Variants in ASTN2 observed in about 807,000 individuals in gnomAD.
ASTN2 encodes astrotactin-2.
Under a neutral mutation model 139.8 loss-of-function variants are expected in ASTN2, and 54 were observed. That is an observed-to-expected ratio of 0.39 (90% CI 0.31 to 0.48). ASTN2 has a LOEUF of 0.48. ASTN2 is among the 20% of genes least tolerant of loss of function. The pLI is 0.95. For synonymous variants in ASTN2, 756 were observed against 719.5 expected (o/e 1.05, Z -0.81); for missense variants, 1,565 against 1,725.1 (o/e 0.91, Z 1.64).
chr9:116,563,238 G>A (rs923177304), intron 19 of ASTN2, among the ~76,000 whole-genome samples: 6 of 151,906 alleles, frequency 3.9e-5, no homozygotes, highest in East Asian at 1.9e-4. Context: ...AGCCGGGTGC[G>A]GGGGTGGGTG....
intron 19 of ASTN2, among the ~76,000 whole-genome samples, chr9:116,552,906 C>A (rs183793027): frequency 2.0e-5 from 3 of 152,120 alleles, no homozygotes; most frequent in Admixed American, 6.5e-5. Flanking sequence ...CAGTGGAAAT[C>A]CATTAAATTA....
intron 19 of ASTN2, among the ~76,000 whole-genome samples, chr9:116,558,365 T>G (rs1488395308): frequency 9.3e-6 from 1 of 107,198 alleles, no homozygotes; most frequent in African/African-American, 3.2e-5. Context: ...GGTCACTACT[T>G]TTTTTTTTTT....
intron 6 of ASTN2, among the ~76,000 whole-genome samples, chr9:117,012,466 G>T (rs181836229): frequency 6.6e-6 from 1 of 152,142 alleles, no homozygotes; most frequent in African/African-American, 2.4e-5. Context: ...TCCTTCCTGC[G>T]TAAGAAATAG....
At chr9:116,718,980 A>G (rs536740901) in intron 16 of ASTN2, among the ~76,000 whole-genome samples, 2,221 of 123,198 alleles carry the variant, frequency 0.018, 269 homozygotes, top group African/African-American at 0.088. Flanking sequence ...CTGTACATAT[A>G]TATATATATA....
At chr9:117,405,196 A>C (rs1271905168) in intron 1 of ASTN2, among the ~76,000 whole-genome samples, 1 of 152,230 alleles carries the variant, frequency 6.6e-6, no homozygotes, top group Non-Finnish European at 1.5e-5. Context: ...TGACATAAGA[A>C]GTAAAAAAGT....
intron 2 of ASTN2, among the ~76,000 whole-genome samples, chr9:117,274,034 C>T (rs1264278975): frequency 6.6e-6 from 1 of 152,136 alleles, no homozygotes; most frequent in East Asian, 1.9e-4. Context: ...GGCCTTTCTC[C>T]ACTCAGGCGC....
chr9:116,491,218 G>A (rs940006663), intron 19 of ASTN2, among the ~76,000 whole-genome samples: 5 of 152,126 alleles, frequency 3.3e-5, no homozygotes, highest in Admixed American at 1.3e-4. Flanking sequence ...AAAGTTAAAA[G>A]GAAGGCAACT....
At chr9:116,898,987 T>C (rs973239473) in intron 10 of ASTN2, among the ~76,000 whole-genome samples, 1 of 152,194 alleles carries the variant, frequency 6.6e-6, no homozygotes, top group Non-Finnish European at 1.5e-5. Context: ...TATTTCTTTA[T>C]TGAGTTGAAA....
At chr9:117,386,896 G>C (rs113865422) in intron 1 of ASTN2, among the ~76,000 whole-genome samples, 4 of 152,292 alleles carry the variant, frequency 2.6e-5, no homozygotes, top group African/African-American at 9.6e-5. Flanking sequence ...TGTTGTAAAA[G>C]AAAGCCCATT....
At chr9:117,198,648 A>C (rs915063568) in intron 3 of ASTN2, among the ~76,000 whole-genome samples, 3 of 152,178 alleles carry the variant, frequency 2.0e-5, no homozygotes, top group Non-Finnish European at 4.4e-5. Context: ...CTTTGGGTAT[A>C]TACCCAGTAA....
intron 2 of ASTN2, chr9:117,277,293 A>G (rs576263664): frequency 2.0e-5 from 3 of 152,360 alleles, no homozygotes; most frequent in Middle Eastern, 6.8e-3. Context: ...CAGATCAGGC[A>G]TACATAGGGT....
intron 11 of ASTN2, among the ~76,000 whole-genome samples, chr9:116,844,431 T>G (rs946182323): frequency 3.9e-5 from 6 of 152,302 alleles, no homozygotes; most frequent in Admixed American, 2.0e-4. Context: ...CAAGCCAGTA[T>G]GCAAGGCAAA....
chr9:116,523,164 G>A (rs1176812331), intron 19 of ASTN2, among the ~76,000 whole-genome samples: 1 of 151,524 alleles, frequency 6.6e-6, no homozygotes, highest in East Asian at 1.9e-4. Flanking sequence ...AAGAGAGCAT[G>A]CCTTTCTCAT....
chr9:116,951,107 G>A (rs1280519457), intron 10 of ASTN2, among the ~76,000 whole-genome samples: 1 of 152,090 alleles, frequency 6.6e-6, no homozygotes, highest in East Asian at 1.9e-4. Context: ...GGAGGCTGAG[G>A]TGGGTGGATC....
intron 11 of ASTN2, among the ~76,000 whole-genome samples, chr9:116,861,642 C>G (rs1359948634): frequency 6.6e-6 from 1 of 152,186 alleles, no homozygotes; most frequent in Non-Finnish European, 1.5e-5. Flanking sequence ...CCATGCATTT[C>G]AGGTGTAGCT....
At chr9:116,685,236 C>T (rs1471463135) in intron 16 of ASTN2, among the ~76,000 whole-genome samples, 1 of 152,166 alleles carries the variant, frequency 6.6e-6, no homozygotes, top group African/African-American at 2.4e-5. Flanking sequence ...AACTGACTCA[C>T]TGCAAGGAGA....
chr9:116,978,472 C>G (rs929476359), intron 7 of ASTN2, among the ~76,000 whole-genome samples: 1 of 133,728 alleles, frequency 7.5e-6, no homozygotes, highest in African/African-American at 3.0e-5. Flanking sequence ...CTGTATGTAT[C>G]TCTCTCTCTC....
At chr9:117,173,713 A>C (rs970882931) in intron 3 of ASTN2, among the ~76,000 whole-genome samples, 1 of 152,078 alleles carries the variant, frequency 6.6e-6, no homozygotes, top group African/African-American at 2.4e-5. Context: ...ATAAAGAAAC[A>C]CTTCAGAGAA....
intron 3 of ASTN2, among the ~76,000 whole-genome samples, chr9:117,213,267 G>C (rs1004637508): frequency 6.6e-6 from 1 of 152,156 alleles, no homozygotes; most frequent in African/African-American, 2.4e-5. Flanking sequence ...GCTCGAGGCT[G>C]CTAGTAGGAT....
Sources: allele counts gnomAD v4.1 joint callset (sites outside exome capture counted in the v4.1 genomes callset), GRCh38; gene constraint gnomAD v4.1.1; transcripts MANE v1.5; gene names NCBI Gene and HGNC (gene_info 2026-07-23, HGNC 2026-07-21).